USP24: variants seen among roughly 807,000 people sequenced by gnomAD.
USP24 encodes ubiquitin carboxyl-terminal hydrolase 24.
USP24 carries 97 observed loss-of-function variants against 361.6 expected under a neutral mutation model. The observed-to-expected ratio is 0.27, with a 90% confidence interval of 0.23 to 0.32. The LOEUF (loss-of-function observed/expected upper bound fraction) is 0.32. Among genes scored for constraint, USP24 ranks in the 10% least tolerant of loss-of-function variants. The pLI is 1.00. For missense variants in USP24, 2,353 were observed against 3,165.6 expected (o/e 0.74, Z 6.16); for synonymous variants, 1,098 against 1,124.6 (o/e 0.98, Z 0.47).
chr1:55,123,551 C>T lies in USP24; in HGVS notation c.4172G>A (p.Gly1391Glu). The T allele has an allele frequency of 6.2e-7, 1 of 1,601,484 alleles. No individual in the cohort carries two copies. The highest frequency in any genetic ancestry group is 1.1e-5 in the South Asian group (1 of 88,260). Residue 1391 changes from glycine to glutamate, a missense_variant, in exon 36 of 68, where the codon GGA becomes GAA. Around this residue, in one of 8 missense-constraint regions of USP24, gnomAD observed 949 missense variants for 1,280.5 expected, o/e 0.74. Coordinates refer to ENST00000294383, the MANE Select transcript of USP24 (RefSeq NM_015306.3). ...SEGEPVALHA[G>E]ICVRQQSVST... ...TACAGACTGTTGTCGAACACAGATT[C>T]CCGCATGCAGGGCTACTGGTTCTCC...
At chr1:55,085,920 A>G (rs781633728) in intron 56 of USP24, 22 bp downstream of exon 56, 1 of 1,604,532 alleles carries the variant, frequency 6.2e-7, no homozygotes, top group Admixed American at 1.7e-5. Context: ...TGTATAAATA[A>G]CGTTTTAAAA....
At chr1:55,207,539 A>G (rs1026092247) in intron 1 of USP24, among the ~76,000 whole-genome samples, 1 of 152,256 alleles carries the variant, frequency 6.6e-6, no homozygotes, top group Non-Finnish European at 1.5e-5. Context: ...ATTAAAAATA[A>G]GAATACAACA....
intron 43 of USP24, 113 bp downstream of exon 43, chr1:55,101,471 G>GC: frequency 7.0e-7 from 1 of 1,420,504 alleles, no homozygotes; most frequent in South Asian, 1.3e-5. Context: ...CTAAAGAATT[G>GC]CAAGTTATGT....
intron 55 of USP24, 82 bp downstream of exon 55, chr1:55,089,545 T>A: frequency 1.1e-6 from 1 of 903,296 alleles, no homozygotes; most frequent in Non-Finnish European, 1.7e-6. Context: ...CAAGTTGAAA[T>A]AAAAAGGGTT....
At position 55,113,995 on chromosome 1, in the gene USP24, T is replaced by G. The variant is rs375395012; in HGVS notation, c.4509-3749A>C. Among the ~76,000 whole-genome samples, 21 of 152,310 alleles carry G rather than the reference T, an allele frequency of 1.4e-4. No homozygotes were observed. In the East Asian group the frequency reaches 3.3e-3, roughly 24 times the overall value. On this transcript the variant is annotated intron_variant, in intron 38 of 67. Coordinates refer to ENST00000294383, the MANE Select transcript of USP24 (RefSeq NM_015306.3). ...TGTCTCTGTTTGCAGATGACATGATTGTATATTTAGAAAACCCCATCTTCT... is the reference window on the plus strand; with the variant it reads ...TGTCTCTGTTTGCAGATGACATGATGGTATATTTAGAAAACCCCATCTTCT...
At chr1:55,144,030 T>C in intron 21 of USP24, 97 bp downstream of exon 21, 1 of 1,012,622 alleles carries the variant, frequency 9.9e-7, no homozygotes. Context: ...ACCAAAAAAA[T>C]CCATGTTATC....
intron 1 of USP24, among the ~76,000 whole-genome samples, chr1:55,208,625 T>C (rs769748555): frequency 1.3e-5 from 2 of 148,264 alleles, no homozygotes; most frequent in African/African-American, 2.5e-5. Context: ...CTACACTCTG[T>C]CTCAAAAAAA....
At chr1:55,160,932 T>A (rs1157075625) in intron 8 of USP24, among the ~76,000 whole-genome samples, 1 of 152,190 alleles carries the variant, frequency 6.6e-6, no homozygotes, top group African/African-American at 2.4e-5. Context: ...ATTAATGATA[T>A]TTATATGCTT....
intron 23 of USP24, 42 bp from the exon 24 acceptor site, chr1:55,141,773 A>G (rs746903698): frequency 1.2e-4 from 183 of 1,523,732 alleles, no homozygotes; most frequent in Non-Finnish European, 1.4e-4. Flanking sequence ...GGGTTTCTCA[A>G]CCTGGACTCT....
intron 1 of USP24, among the ~76,000 whole-genome samples, chr1:55,191,898 T>C (rs775181791): frequency 6.6e-5 from 10 of 152,210 alleles, no homozygotes; most frequent in African/African-American, 2.2e-4. Context: ...AAGTTTAAAA[T>C]ATAGATTATT....
intron 38 of USP24, among the ~76,000 whole-genome samples, chr1:55,115,684 T>C (rs1172879697): frequency 6.6e-6 from 1 of 152,076 alleles, no homozygotes; most frequent in Non-Finnish European, 1.5e-5. Context: ...CCCAAAGGAT[T>C]GTAAATCATT....
intron 1 of USP24, among the ~76,000 whole-genome samples, chr1:55,207,665 T>C (rs1394568144): frequency 6.6e-6 from 1 of 152,226 alleles, no homozygotes; most frequent in Non-Finnish European, 1.5e-5. Flanking sequence ...AAGATGTGTG[T>C]AGGTTAGATG....
At chr1:55,110,106 C>G in intron 39 of USP24, 79 bp downstream of exon 39, 1 of 1,206,750 alleles carries the variant, frequency 8.3e-7, no homozygotes, top group Non-Finnish European at 1.1e-6. Context: ...ATATGTAAAT[C>G]ATATTTAGAA....
In USP24 at chr1:55,147,787, T is replaced by C. The variant is rs772970649; in HGVS notation, c.1980A>G (p.Gln660=). 2 of 1,612,036 alleles carry C rather than the reference T, an allele frequency of 1.2e-6. No homozygotes were observed. Among genetic ancestry groups the C allele is most frequent in the Non-Finnish European group, 1.7e-6 (2 of 1,178,928 alleles). Residue 660 remains glutamine, a synonymous_variant, in exon 18 of 68, where the codon CAA becomes CAG. Coordinates refer to ENST00000294383, the MANE Select transcript of USP24 (RefSeq NM_015306.3). ...TYQKQDKSII[Q]DLKKNFEIVK... is the part of the protein sequence containing the mutation. ...CTATTTCAAAATTCTTCTTCAAGTC[T>C]TGAATAATGCTCTTGGCGAAAATAA...
intron 37 of USP24, among the ~76,000 whole-genome samples, chr1:55,121,070 A>G (rs893879782): frequency 6.6e-6 from 1 of 152,356 alleles, no homozygotes; most frequent in African/African-American, 2.4e-5. Context: ...TGTCAGAACT[A>G]TAATATCTAA....
intron 45 of USP24, among the ~76,000 whole-genome samples, 173 bp from the exon 46 acceptor site, chr1:55,098,731 A>T (rs1373207084): frequency 6.6e-6 from 1 of 152,216 alleles, no homozygotes. Flanking sequence ...AGAGTGATGC[A>T]GACGATCAGA....
Position 55,086,042 on chromosome 1 carries a change from A to G in USP24, c.6669-4T>C. 6.2e-7 allele frequency: 1 copy of G among 1,613,618 alleles called. No individual in the cohort carries two copies. The highest frequency in any genetic ancestry group is 8.5e-7 in the Non-Finnish European group (1 of 1,179,614). ...ATTGCACTCCAGTAAGAAAATCCTG[A>G]AAGAAAGAGAAAGGTGGTGTGAAAA... On this transcript the variant is annotated splice_region_variant and splice_polypyrimidine_tract_variant and intron_variant, in intron 55 of 67. Transcript: ENST00000294383.
Position 55,132,535 on chromosome 1 carries a change from G to C in USP24, c.3537+10C>G. On this transcript the variant is annotated intron_variant, in intron 31 of 67. Transcript: ENST00000294383. Reference sequence around the variant, plus strand: ...GTCAAAATGAAATGGAAAGAAATTAGGTTTCTTACTTCTAAGTTGTAGAGC... The same window carrying C: ...GTCAAAATGAAATGGAAAGAAATTACGTTTCTTACTTCTAAGTTGTAGAGC... 1 of 1,601,894 alleles carries C rather than the reference G, an allele frequency of 6.2e-7. No individual in the cohort carries two copies. The highest frequency in any genetic ancestry group is 1.3e-5 in the African/African-American group (1 of 74,496).
chr1:55,150,405 A>C (rs1361837953), intron 16 of USP24, among the ~76,000 whole-genome samples: 1 of 152,230 alleles, frequency 6.6e-6, no homozygotes, highest in Non-Finnish European at 1.5e-5. Flanking sequence ...GGCATCTTAG[A>C]ATCACAGAAA....
Sources: gnomAD v4.1 joint callset for allele counts (sites outside exome capture counted in the v4.1 genomes callset) on GRCh38, gnomAD v4.1.1 for gene constraint, gnomAD v4.1.1 regional missense constraint, MANE v1.5 for transcripts, NCBI Gene and HGNC (gene_info 2026-07-23, HGNC 2026-07-21) for gene names.